Variants in RALYL observed in about 807,000 individuals in gnomAD.
RALYL encodes the protein RALY RNA binding protein like, also known as RNA-binding Raly-like protein.
A neutral mutation model predicts 35.1 loss-of-function variants in RALYL; 29 were observed. The observed-to-expected ratio is 0.83, with a 90% CI of 0.61 to 1.13. RALYL has a LOEUF of 1.13. Among genes scored for constraint, RALYL ranks in the 50% most tolerant of loss-of-function variants. The pLI, the probability that RALYL is intolerant of heterozygous loss-of-function variation, is 0.00. For synonymous variants in RALYL, 120 were observed against 127.6 expected, an observed-to-expected ratio of 0.94 and a Z score of 0.40; for missense variants, 359 against 360.4, an observed-to-expected ratio of 1.00 and a Z score of 0.03.
chr8:84,425,640 T>G (rs1339840297), intron 1 of RALYL, among the ~76,000 whole-genome samples: 1 of 152,194 alleles, frequency 6.6e-6, no homozygotes, highest in African/African-American at 2.4e-5. Flanking sequence ...AATTCTAAAC[T>G]TTTCTCTCCA....
chr8:84,920,806 T>C, intron 8 of RALYL, 88 bp from the exon 9 acceptor site: 3 of 496,022 alleles, frequency 6.0e-6, no homozygotes, highest in South Asian at 1.1e-4. Context: ...GATCTAACCT[T>C]AAAATCTAAC....
intron 2 of RALYL, among the ~76,000 whole-genome samples, chr8:84,730,336 A>C (rs551168149): frequency 6.6e-6 from 1 of 152,046 alleles, no homozygotes; most frequent in East Asian, 1.9e-4. Context: ...ATTCAACAAC[A>C]CTTCATGCTA....
intron 1 of RALYL, among the ~76,000 whole-genome samples, chr8:84,527,973 A>G (rs2059020829): frequency 1.3e-5 from 2 of 152,158 alleles, no homozygotes; most frequent in African/African-American, 2.4e-5. Flanking sequence ...ATTTTATGCT[A>G]CTTGGTTGCT....
chr8:84,190,229 C>T (rs570341460), intron 1 of RALYL, among the ~76,000 whole-genome samples: 1 of 152,306 alleles, frequency 6.6e-6, no homozygotes, highest in Non-Finnish European at 1.5e-5. Flanking sequence ...CAACATCTCA[C>T]CATCAACATC....
intron 1 of RALYL, among the ~76,000 whole-genome samples, chr8:84,428,968 A>G (rs538848260): frequency 2.6e-5 from 4 of 152,254 alleles, no homozygotes; most frequent in African/African-American, 9.6e-5. Flanking sequence ...ATTTATACAT[A>G]CCCTAGGATT....
intron 1 of RALYL, among the ~76,000 whole-genome samples, chr8:84,322,492 T>C (rs2130442611): frequency 6.6e-6 from 1 of 152,190 alleles, no homozygotes; most frequent in African/African-American, 2.4e-5. Context: ...CATCTTCCAC[T>C]TTCATCTGGG....
intron 8 of RALYL, among the ~76,000 whole-genome samples, chr8:84,911,764 C>A (rs182469288): frequency 3.5e-4 from 53 of 152,228 alleles, no homozygotes; most frequent in Admixed American, 9.2e-4. Context: ...CCATGTACCC[C>A]CTCCTTGTGT....
chr8:84,533,598 A>C (rs1397826962), intron 2 of RALYL, among the ~76,000 whole-genome samples: 2 of 152,196 alleles, frequency 1.3e-5, no homozygotes, highest in African/African-American at 4.8e-5. Flanking sequence ...CTGAAAAATA[A>C]TTTATCTAGA....
chr8:84,592,168 A>C (rs529735220), intron 2 of RALYL, among the ~76,000 whole-genome samples: 2 of 152,314 alleles, frequency 1.3e-5, no homozygotes, highest in East Asian at 3.9e-4. Context: ...CCAAAAGGCC[A>C]GGTCCTCTAT....
chr8:84,727,318 T>C (rs1197482846), intron 2 of RALYL, among the ~76,000 whole-genome samples: 4 of 152,080 alleles, frequency 2.6e-5, no homozygotes, highest in African/African-American at 9.7e-5. Context: ...AGTTATTACC[T>C]TCATTTTATA....
chr8:84,617,139 G>T (rs1289842131), intron 2 of RALYL, among the ~76,000 whole-genome samples: 4 of 150,522 alleles, frequency 2.7e-5, no homozygotes, highest in Non-Finnish European at 4.4e-5. Context: ...AAAGTCATTG[G>T]TAGCTTGATG....
At chr8:84,458,686 T>C (rs2133339644) in intron 1 of RALYL, among the ~76,000 whole-genome samples, 1 of 151,924 alleles carries the variant, frequency 6.6e-6, no homozygotes, top group South Asian at 2.1e-4. Flanking sequence ...TGGAACCTAA[T>C]GGTCTTCATA....
intron 2 of RALYL, among the ~76,000 whole-genome samples, chr8:84,738,193 G>C (rs1437286961): frequency 1.3e-5 from 2 of 151,962 alleles, no homozygotes; most frequent in Admixed American, 6.6e-5. Context: ...ATTAGGAAAG[G>C]CTGGAGGAGG....
intron 2 of RALYL, among the ~76,000 whole-genome samples, chr8:84,549,892 T>C (rs1312090834): frequency 2.0e-5 from 3 of 152,318 alleles, no homozygotes; most frequent in Middle Eastern, 3.4e-3. Context: ...ATTTGTTGTA[T>C]ATATTGGATT....
chr8:84,681,084 C>T (rs1396875877), intron 2 of RALYL, among the ~76,000 whole-genome samples: 1 of 150,966 alleles, frequency 6.6e-6, no homozygotes, highest in Non-Finnish European at 1.5e-5. Flanking sequence ...GCCAGTTTTC[C>T]CAGGACCATT....
intron 2 of RALYL, among the ~76,000 whole-genome samples, chr8:84,574,612 G>T (rs1176266491): frequency 6.6e-6 from 1 of 151,956 alleles, no homozygotes; most frequent in Non-Finnish European, 1.5e-5. Flanking sequence ...AGAAAGCTTG[G>T]ATGATATCAT....
intron 2 of RALYL, among the ~76,000 whole-genome samples, chr8:84,539,868 ATATATATATGTATATATATG>A (rs2059894808): frequency 1.5e-4 from 1 of 6,834 alleles, no homozygotes; most frequent in African/African-American, 3.7e-4. Flanking sequence ...ATATATATAT[ATATATATATGTATATATATG>A]TGTGTGTGTG....
At chr8:84,771,808 T>C (rs1199778444) in intron 2 of RALYL, among the ~76,000 whole-genome samples, 1 of 152,074 alleles carries the variant, frequency 6.6e-6, no homozygotes, top group Non-Finnish European at 1.5e-5. Flanking sequence ...AATTTATGGT[T>C]CTTTTCACTG....
In RALYL at chr8:84,572,888, A is replaced by G. The variant is rs534075207; in HGVS notation, c.256+43311A>G. Among the ~76,000 whole-genome samples the G allele has an allele frequency of 2.0e-5, 3 of 151,722 alleles. No individual in the cohort carries two copies. In the East Asian group the frequency reaches 5.8e-4, roughly 29 times the overall value. ...TTCCTTTTTTTTCCCAATCTTCTCA[A>G]TAATTATTTCCTAGAATATAATTTT... On this transcript the variant is annotated intron_variant, in intron 2 of 8. Transcript: ENST00000521268.
Sources: gnomAD v4.1 joint callset for allele counts (sites outside exome capture counted in the v4.1 genomes callset) on GRCh38, gnomAD v4.1.1 for gene constraint, MANE v1.5 for transcripts, NCBI Gene and HGNC (gene_info 2026-07-23, HGNC 2026-07-21) for gene names.